RBM39: variants seen among roughly 807,000 people sequenced by gnomAD.
RBM39 encodes RNA binding motif protein 39.
A neutral mutation model predicts 79.6 loss-of-function variants in RBM39; 12 were observed. That is an observed-to-expected ratio of 0.15 (90% CI 0.10 to 0.24). The LOEUF (loss-of-function observed/expected upper bound fraction) is 0.24. RBM39 is among the 10% of genes least tolerant of loss of function. RBM39 has a pLI of 1.00. For synonymous variants in RBM39, 185 were observed against 208.4 expected, an observed-to-expected ratio of 0.89 and a Z score of 0.97; for missense variants, 243 against 653.4, an observed-to-expected ratio of 0.37 and a Z score of 6.85.
At position 35,704,762 on chromosome 20, in the gene RBM39, A is replaced by G; in HGVS notation, c.1414-16T>C. ...ACACATTGCCCTACAGAAAAAATGAAAAAAAAGGTAAAGATGTTGCTGTAT... is the reference window on the plus strand; with the variant it reads ...ACACATTGCCCTACAGAAAAAATGAGAAAAAAGGTAAAGATGTTGCTGTAT... On this transcript the variant is annotated splice_polypyrimidine_tract_variant and intron_variant, in intron 15 of 16. Transcript: ENST00000253363. 1.2e-6 allele frequency: 2 copies of G among 1,607,368 alleles called. No homozygotes were observed. Among genetic ancestry groups the G allele is most frequent in the Non-Finnish European group, 8.5e-7 (1 of 1,177,318 alleles).
chr20:35,710,223 T>C (rs1026040790), intron 12 of RBM39: 5 of 152,184 alleles, frequency 3.3e-5, no homozygotes, highest in Non-Finnish European at 7.4e-5. Context: ...TATGGGTTTC[T>C]TGCAACATGG....
At chr20:35,722,028 C>T in intron 8 of RBM39, 151 bp from the exon 9 acceptor site, 1 of 855,422 alleles carries the variant, frequency 1.2e-6, no homozygotes, top group Non-Finnish European at 1.7e-6. Context: ...TAATAGGAGG[C>T]ATCTAGAATA....
intron 10 of RBM39, among the ~76,000 whole-genome samples, chr20:35,714,770 C>A (rs903743527): frequency 6.6e-6 from 1 of 151,886 alleles, no homozygotes; most frequent in Non-Finnish European, 1.5e-5. Flanking sequence ...CAAAAATGTG[C>A]CCAGGGACAA....
chr20:35,734,341 T>C, intron 3 of RBM39: 1 of 763,086 alleles, frequency 1.3e-6, no homozygotes, highest in East Asian at 6.5e-5. Context: ...ACACTCATTA[T>C]TTATATAGAA....
In RBM39 at chr20:35,703,992, A is replaced by T. The variant is rs2035441397; in HGVS notation, c.*489T>A. ...AATTTTGAAATCTCCCTTTCTTGCC[A>T]ATTGATCAGAATGCAAGATGAGATG... is the stretch of plus-strand genomic sequence containing the variant. On this transcript the variant is annotated 3_prime_UTR_variant, in exon 17 of 17. Transcript: ENST00000253363. 1 of 152,968 alleles carries T rather than the reference A, an allele frequency of 6.5e-6. No homozygotes were observed. The highest frequency in any genetic ancestry group is 2.1e-4 in the South Asian group (1 of 4,866). 9.5% of individuals were successfully genotyped at this position (152,968 alleles called of 1,614,324 possible). A position where few individuals can be genotyped will look rare whatever the true frequency, so the allele number is the denominator to read the frequency against.
chr20:35,702,717 C>T lies in RBM39; in HGVS notation c.*1764G>A, dbSNP rs909174566. The T allele has an allele frequency of 4.6e-5, 7 of 152,248 alleles. No individual in the cohort carries two copies. Among genetic ancestry groups the T allele is most frequent in the African/African-American group, 1.7e-4 (7 of 41,442 alleles). The allele number at this position is 152,248 out of a possible 1,614,324, so 9.4% of individuals were successfully genotyped here. On this transcript the variant is annotated 3_prime_UTR_variant, in exon 17 of 17. Transcript: ENST00000253363. ...TTGGGAGGCCAAGGCGGACAGATCA[C>T]TTGAGGTCAGTGTGAGACCAGCCGG...
At chr20:35,724,840 T>C (rs2038458259) in intron 7 of RBM39, 118 bp from the exon 8 acceptor site, 1 of 1,254,952 alleles carries the variant, frequency 8.0e-7, no homozygotes, top group Non-Finnish European at 1.1e-6. Context: ...AAAGTAAATC[T>C]GTAGGACAAT....
chr20:35,720,547 A>G (rs1386616796), intron 9 of RBM39, among the ~76,000 whole-genome samples: 1 of 151,848 alleles, frequency 6.6e-6, no homozygotes, highest in Non-Finnish European at 1.5e-5. Flanking sequence ...GCCGAAGCAG[A>G]TCACCTGAGG....
intron 3 of RBM39, among the ~76,000 whole-genome samples, chr20:35,737,283 G>A (rs145501420): frequency 1.2e-3 from 187 of 151,792 alleles, no homozygotes; most frequent in African/African-American, 4.3e-3. Context: ...CCAGCTGCTC[G>A]GGAGGCTGAG....
At chr20:35,741,051 T>TTTTTTTTTTTTTTTTTTA (rs367902878) in intron 1 of RBM39, among the ~76,000 whole-genome samples, 164 bp from the exon 2 acceptor site, 1 of 133,680 alleles carries the variant, frequency 7.5e-6, no homozygotes, top group Non-Finnish European at 1.6e-5. Context: ...TTTTTTTTTT[T>TTTTTTTTTTTTTTTTTTA]GAGACGGAGT....
chr20:35,707,050 A>AAAAAT, intron 14 of RBM39, 70 bp downstream of exon 14: 2 of 700,932 alleles, frequency 2.9e-6, no homozygotes, highest in African/African-American at 2.0e-5. Flanking sequence ...AAAAAAAAAA[A>AAAAAT]AGAGAAATAT....
chr20:35,733,420 C>T (rs2039584510), intron 3 of RBM39, among the ~76,000 whole-genome samples: 1 of 151,784 alleles, frequency 6.6e-6, no homozygotes, highest in African/African-American at 2.4e-5. Flanking sequence ...CCAGCCTAGT[C>T]GACACGGTGA....
chr20:35,712,983 A>G, intron 12 of RBM39, 36 bp downstream of exon 12: 1 of 1,567,462 alleles, frequency 6.4e-7, no homozygotes, highest in Non-Finnish European at 8.6e-7. Context: ...ATTAGATGAA[A>G]AAACGATTTA....
chr20:35,711,286 T>C (rs1409751738), intron 12 of RBM39, among the ~76,000 whole-genome samples: 1 of 152,078 alleles, frequency 6.6e-6, no homozygotes, highest in Non-Finnish European at 1.5e-5. Context: ...GCAATACAGG[T>C]AAACAGTTTT....
At chr20:35,713,570 C>A (rs1309639293) in intron 11 of RBM39, 1 of 151,722 alleles carries the variant, frequency 6.6e-6, no homozygotes, top group Non-Finnish European at 1.5e-5. Context: ...GGTGATCCAC[C>A]CGCCACAGCC....
chr20:35,714,081 C>T, intron 11 of RBM39, 104 bp downstream of exon 11: 1 of 1,194,650 alleles, frequency 8.4e-7, no homozygotes, highest in Non-Finnish European at 1.2e-6. Flanking sequence ...ACGCCAACTA[C>T]AAAATAAGAT....
rs2036093319 is a variant in RBM39 at position 35,709,018 on chromosome 20, ATTTT to A, written c.1225+202_1225+205del. 6.7e-5 allele frequency: 30 copies of A among 446,966 alleles called. No homozygotes were observed. In the South Asian group the frequency reaches 1.2e-3, roughly 18 times the overall value. 27.7% of individuals were successfully genotyped at this position (446,966 alleles called of 1,614,324 possible). ...AACTAAAGCAAAAAAAAAAATTGTT[ATTTT>A]GATTTTTTTTAAGTCCATTAATTTG... On this transcript the variant is annotated intron_variant, in intron 13 of 16. Transcript: ENST00000253363.
At chr20:35,732,186 A>AAT (rs1443510138) in intron 3 of RBM39, 51 bp from the exon 4 acceptor site, 2 of 1,495,102 alleles carry the variant, frequency 1.3e-6, no homozygotes, top group Non-Finnish European at 1.9e-6. Context: ...AACCCACCAA[A>AAT]ATATACTACC....
intron 6 of RBM39, among the ~76,000 whole-genome samples, chr20:35,725,749 G>A (rs778159278): frequency 7.1e-6 from 1 of 140,382 alleles, no homozygotes; most frequent in South Asian, 2.4e-4. Flanking sequence ...CACAACCTCC[G>A]CCTCCCTGAG....
Sources: gnomAD v4.1 joint callset for allele counts (sites outside exome capture counted in the v4.1 genomes callset) on GRCh38, gnomAD v4.1.1 for gene constraint, MANE v1.5 for transcripts, NCBI Gene and HGNC (gene_info 2026-07-23, HGNC 2026-07-21) for gene names.